The following DNAJB13 variants were observed in gnomAD, a reference collection of about 807,000 sequenced individuals.
The protein encoded by DNAJB13 is dnaJ homolog subfamily B member 13.
A neutral mutation model predicts 35.6 loss-of-function variants in DNAJB13; 22 were observed. The observed-to-expected ratio is 0.62, with a 90% CI of 0.44 to 0.88. The LOEUF (loss-of-function observed/expected upper bound fraction) is 0.88. Among genes scored for constraint, DNAJB13 ranks in the 40% least tolerant of loss-of-function variants. The probability of loss-of-function intolerance (pLI) is 0.00; values close to 1 mark genes in which losing one functional copy is unlikely to be tolerated. For synonymous variants in DNAJB13, 136 were observed against 144.2 expected (o/e 0.94, Z 0.41); for missense variants, 370 against 384.3 (o/e 0.96, Z 0.31).
intron 1 of DNAJB13, among the ~76,000 whole-genome samples, chr11:73,956,045 G>A (rs1190342203): frequency 2.0e-5 from 3 of 152,168 alleles, no homozygotes; most frequent in African/African-American, 7.2e-5. Flanking sequence ...GGACTGTCCT[G>A]CAGGATGCTT....
At chr11:73,952,352 T>C (rs755141200) in intron 1 of DNAJB13, among the ~76,000 whole-genome samples, 1 of 152,204 alleles carries the variant, frequency 6.6e-6, no homozygotes, top group Non-Finnish European at 1.5e-5. Context: ...GTGTATGTTT[T>C]GAGTGTGTAG....
chr11:73,963,984 G>A lies in DNAJB13; in HGVS notation c.335-894G>A, dbSNP rs566700608. On this transcript the variant is annotated intron_variant, in intron 3 of 7. Transcript: ENST00000339764. ...GCTTACTAGCTACGGGACCTTAAGC[G>A]TTTTGTTTGGGCTCCCTGGACCAAT... 3 of 152,168 alleles carry A rather than the reference G, an allele frequency of 2.0e-5. No individual in the cohort carries two copies. The South Asian group carries it at 6.2e-4, about 32-fold the overall frequency. The allele number at this position is 152,168 out of a possible 1,614,324, so 9.4% of individuals were successfully genotyped here.
chr11:73,967,307 A>T (rs956851655), intron 5 of DNAJB13, among the ~76,000 whole-genome samples: 3 of 152,196 alleles, frequency 2.0e-5, no homozygotes, highest in Non-Finnish European at 4.4e-5. Context: ...ATTAATAATA[A>T]TTTTAAATTA....
At chr11:73,964,548 T>C (rs1391264254) in intron 3 of DNAJB13, 3 of 275,012 alleles carry the variant, frequency 1.1e-5, no homozygotes, top group African/African-American at 8.5e-5. Context: ...AGTTACGGTA[T>C]CCGAGTTGTG....
At chr11:73,953,916 A>T (rs1222054486) in intron 1 of DNAJB13, among the ~76,000 whole-genome samples, 1 of 151,214 alleles carries the variant, frequency 6.6e-6, no homozygotes, top group African/African-American at 2.4e-5. Flanking sequence ...TGAACCCGGG[A>T]GGTGGAGCTT....
At chr11:73,952,250 G>GT (rs1174873951) in intron 1 of DNAJB13, among the ~76,000 whole-genome samples, 2 of 152,166 alleles carry the variant, frequency 1.3e-5, no homozygotes, top group Non-Finnish European at 2.9e-5. Flanking sequence ...GAAAGGGGAG[G>GT]GAATGGACTT....
At position 73,954,003 on chromosome 11, in the gene DNAJB13, T is replaced by A. The variant is rs1382043797; in HGVS notation, c.68+2866T>A. Among the ~76,000 whole-genome samples the A allele has an allele frequency of 1.7e-4, 13 of 76,596 alleles. No homozygotes were observed. The East Asian group carries it at 1.8e-3, about 11-fold the overall frequency. The allele number at this position is 76,596 out of a possible 152,430, so 50.2% of individuals were successfully genotyped here. ...CTCTGTCTCAAAAATAATAATAAAATAATAATAATAATAATAATAATAATA... is the reference window on the plus strand; with the variant it reads ...CTCTGTCTCAAAAATAATAATAAAAAAATAATAATAATAATAATAATAATA... On this transcript the variant is annotated intron_variant, in intron 1 of 7. Coordinates refer to ENST00000339764, the MANE Select transcript of DNAJB13 (RefSeq NM_153614.4).
chr11:73,968,472 G>A lies in DNAJB13; in HGVS notation c.720+14G>A. 6.2e-7 allele frequency: 1 copy of A among 1,609,562 alleles called. No individual in the cohort carries two copies. The highest frequency in any genetic ancestry group is 8.5e-7 in the Non-Finnish European group (1 of 1,176,472). On this transcript the variant is annotated intron_variant, in intron 6 of 7. Coordinates refer to ENST00000339764, the MANE Select transcript of DNAJB13 (RefSeq NM_153614.4). ...CCTCTTGGCAAGGTGAGTGGGCAAA[G>A]TGCAGGAGCAGCGGGGAGGAGATCA...
At chr11:73,951,211 T>C in intron 1 of DNAJB13, 74 bp downstream of exon 1, 1 of 1,557,562 alleles carries the variant, frequency 6.4e-7, no homozygotes, top group Non-Finnish European at 8.8e-7. Flanking sequence ...CAAAACGAGC[T>C]TTCCTGCACA....
chr11:73,960,574 G>A (rs920791453), intron 3 of DNAJB13, among the ~76,000 whole-genome samples: 7 of 151,618 alleles, frequency 4.6e-5, no homozygotes, highest in Non-Finnish European at 7.4e-5. Context: ...TGCCCACCTC[G>A]GCCTCCCAAA....
At chr11:73,962,530 T>C (rs1440750629) in intron 3 of DNAJB13, among the ~76,000 whole-genome samples, 1 of 152,114 alleles carries the variant, frequency 6.6e-6, no homozygotes, top group Non-Finnish European at 1.5e-5. Context: ...ATTCCAGGTC[T>C]GAGACAAACT....
chr11:73,959,728 G>A, intron 3 of DNAJB13, 73 bp downstream of exon 3: 1 of 1,371,376 alleles, frequency 7.3e-7, no homozygotes, highest in Admixed American at 2.6e-5. Flanking sequence ...TCGTTGAGTA[G>A]TTTTGTTTTT....
Position 73,951,084 on chromosome 11 carries a change from T to C in DNAJB13, c.15T>C (p.Tyr5=). 6.2e-7 allele frequency: 1 copy of C among 1,614,092 alleles called. No individual in the cohort carries two copies. The highest frequency in any genetic ancestry group is 8.5e-7 in the Non-Finnish European group (1 of 1,180,012). The change falls in exon 1 of 8, where the codon TAT becomes TAC. Residue 5 remains tyrosine (Y), a synonymous_variant. Transcript: ENST00000339764. Reference sequence around the variant, plus strand: ...GCTAGCCAGCCATGGGCCAGGATTATTACTCTGTGCTCGGGATCACTCGCA... The same window carrying C: ...GCTAGCCAGCCATGGGCCAGGATTACTACTCTGTGCTCGGGATCACTCGCA... MGQD[Y]YSVLGITRNS...
intron 5 of DNAJB13, chr11:73,967,939 C>A (rs751252911): frequency 2.7e-4 from 77 of 287,286 alleles, no homozygotes; most frequent in Non-Finnish European, 4.2e-4. Context: ...CTGTCCCCAG[C>A]GCCCAGAAGA....
In DNAJB13 at chr11:73,968,287, C is replaced by T. The variant is rs1951178168; in HGVS notation, c.607-58C>T. On this transcript the variant is annotated intron_variant, in intron 5 of 7. Transcript: ENST00000339764. ...ACATGGAGACAAGTAGAGGCAGGAA[C>T]TTGGCCAAGGTCACACGGCCAACTA... 5 of 1,472,170 alleles carry T rather than the reference C, an allele frequency of 3.4e-6. No homozygotes were observed. The South Asian group carries it at 3.4e-5, about 10-fold the overall frequency. 91.2% of individuals were successfully genotyped at this position (1,472,170 alleles called of 1,614,324 possible).
intron 6 of DNAJB13, among the ~76,000 whole-genome samples, chr11:73,968,709 TG>T (rs1951195881): frequency 6.6e-6 from 1 of 152,178 alleles, no homozygotes; most frequent in African/African-American, 2.4e-5. Context: ...TTAGGGATCC[TG>T]CCACACACTC....
At position 73,965,007 on chromosome 11, in the gene DNAJB13, G is replaced by A; in HGVS notation, c.464G>A (p.Cys155Tyr). The A allele has an allele frequency of 6.3e-7, 1 of 1,594,230 alleles. No individual in the cohort carries two copies. The highest frequency in any genetic ancestry group is 1.4e-5 in the African/African-American group (1 of 73,414). The change falls in exon 4 of 8, where the codon TGC (cysteine) becomes TAC (tyrosine). Residue 155 changes from cysteine to tyrosine, a missense_variant. Physicochemically the swap from Cys to Tyr is radical, Grantham distance 194 (BLOSUM62 -2). Transcript: ENST00000339764. ...YLSLEDLFFG[C>Y]TKKIKISRRV... ...TCCCTGGAGGACTTATTCTTTGGCTGCACCAAAAAAATTAAGATCTCCAGA... is the reference window on the plus strand; with the variant it reads ...TCCCTGGAGGACTTATTCTTTGGCTACACCAAAAAAATTAAGATCTCCAGA...
intron 3 of DNAJB13, 51 bp from the exon 4 acceptor site, chr11:73,964,827 G>A (rs774694560): frequency 7.3e-6 from 11 of 1,514,110 alleles, no homozygotes; most frequent in South Asian, 3.4e-5. Flanking sequence ...GCGCGCGCAT[G>A]TCTGGGTCTC....
At chr11:73,954,841 C>T (rs973990136) in intron 1 of DNAJB13, among the ~76,000 whole-genome samples, 2 of 151,726 alleles carry the variant, frequency 1.3e-5, no homozygotes, top group African/African-American at 2.4e-5. Context: ...ATCCCAGCTA[C>T]GCGGGAGGCT....
Sources: gnomAD v4.1 joint callset for allele counts (sites outside exome capture counted in the v4.1 genomes callset) on GRCh38, gnomAD v4.1.1 for gene constraint, MANE v1.5 for transcripts, NCBI Gene and HGNC (gene_info 2026-07-23, HGNC 2026-07-21) for gene names.